Variants in ADAMTS17 observed in about 807,000 individuals in gnomAD.
ADAMTS17 encodes the protein A disintegrin and metalloproteinase with thrombospondin motifs 17.
In ADAMTS17, 113 loss-of-function variants were observed where a neutral mutation model predicts 141.5. The ratio of observed to expected loss-of-function variants is 0.80; its 90% CI spans 0.69 to 0.93. The LOEUF is 0.93. Among genes scored for constraint, ADAMTS17 ranks in the 40% least tolerant of loss-of-function variants. ADAMTS17 has a pLI of 0.00. For missense variants in ADAMTS17, 1,659 were observed against 1,517.9 expected, an observed-to-expected ratio of 1.09 and a Z score of -1.54; for synonymous variants, 768 against 630.6, an observed-to-expected ratio of 1.22 and a Z score of -3.27.
chr15:100,234,604 A>T (rs549344667), intron 7 of ADAMTS17, among the ~76,000 whole-genome samples: 79 of 152,278 alleles, frequency 5.2e-4, no homozygotes, highest in African/African-American at 1.8e-3. Flanking sequence ...TGACTGTCTT[A>T]TTGCTTCCTC....
Position 100,341,875 on chromosome 15 carries a change from G to A in ADAMTS17, c.25C>T (p.Pro9Ser), listed in dbSNP as rs1319520445. The change falls in exon 1 of 22, where the codon CCG (proline) becomes TCG (serine). Residue 9 changes from proline to serine, a missense_variant. Pro to Ser is a moderately conservative substitution (Grantham distance 74). Coordinates refer to ENST00000268070, the MANE Select transcript of ADAMTS17 (RefSeq NM_139057.4). MCDGALLP[P>S]LVLPVLLLLV... The stretch of plus-strand genomic sequence containing the variant: ...AGCAGCAGCACGGGCAGGACGAGCG[G>A]AGGCAGCAGGGCGCCGTCACACATG... 3 of 1,552,108 alleles carry A rather than the reference G, an allele frequency of 1.9e-6. No homozygotes were observed. The African/African-American group carries it at 4.1e-5, about 21-fold the overall frequency.
intron 15 of ADAMTS17, among the ~76,000 whole-genome samples, chr15:100,073,915 T>A (rs12906756): frequency 0.99 from 149,736 of 151,994 alleles, 73,800 homozygotes; most frequent in East Asian, 1. Flanking sequence ...AAAGTATAAT[T>A]AAAAAAAGGC....
In ADAMTS17 at chr15:99,974,258, G is replaced by T; in HGVS notation, c.*144C>A. ...TATATTAAGTACGGAAGCACTAATG[G>T]CAAACGCCAAGTCCACGCTCATGTT... On this transcript the variant is annotated 3_prime_UTR_variant, in exon 22 of 22. Transcript: ENST00000268070. The T allele has an allele frequency of 2.8e-6, 3 of 1,055,336 alleles. No individual in the cohort carries two copies. The highest frequency in any genetic ancestry group is 4.3e-6 in the Non-Finnish European group (3 of 702,934). The allele number at this position is 1,055,336 out of a possible 1,614,324, so 65.4% of individuals were successfully genotyped here. A position where few individuals can be genotyped will look rare whatever the true frequency, so the allele number is the denominator to read the frequency against.
chr15:100,034,508 TG>T (rs1482168961), intron 18 of ADAMTS17, among the ~76,000 whole-genome samples: 1 of 152,204 alleles, frequency 6.6e-6, no homozygotes, highest in Non-Finnish European at 1.5e-5. Flanking sequence ...TGGCCTCACC[TG>T]AAGAGCACAG....
rs538761472 is a variant in ADAMTS17 at position 100,310,614 on chromosome 15, C to T, written c.616+20275G>A. Among the ~76,000 whole-genome samples the T allele has an allele frequency of 8.5e-4, 129 of 152,308 alleles. 5 individuals are homozygous for T. In the South Asian group the frequency reaches 0.024, roughly 29 times the overall value. ...GAAGGTCCCCTGCAGCAGATGTGAG[C>T]GAGACCTCTGTCCCTTCACAGCTGG... On this transcript the variant is annotated intron_variant, in intron 3 of 21. Coordinates refer to ENST00000268070, the MANE Select transcript of ADAMTS17 (RefSeq NM_139057.4).
intron 14 of ADAMTS17, among the ~76,000 whole-genome samples, chr15:100,099,230 A>C (rs1023346604): frequency 1.3e-5 from 2 of 152,178 alleles, no homozygotes; most frequent in African/African-American, 2.4e-5. Flanking sequence ...GTTATTTTAG[A>C]GGCTGTCTGC....
In ADAMTS17 at chr15:100,133,264, T is replaced by C; in HGVS notation, c.1525A>G (p.Lys509Glu). 6.3e-7 allele frequency: 1 copy of C among 1,599,998 alleles called. No individual in the cohort carries two copies. Among genetic ancestry groups the C allele is most frequent in the Non-Finnish European group, 8.5e-7 (1 of 1,172,094 alleles). Residue 509 changes from lysine (K) to glutamate (E), a missense_variant, in exon 11 of 22, where the codon AAG becomes GAG. By Grantham distance (56) the Lys-to-Glu change is moderately conservative. Coordinates refer to ENST00000268070, the MANE Select transcript of ADAMTS17 (RefSeq NM_139057.4). ...TCCAGGGGAGGGTCCAGCTTGGTCT[T>C]GCAGGATGTGTCTCCTTCTACCAGG... ...WCLVEGDTSC[K>E]TKLDPPLDGT...
intron 15 of ADAMTS17, among the ~76,000 whole-genome samples, chr15:100,073,535 T>A (rs1428611539): frequency 6.6e-6 from 1 of 151,766 alleles, no homozygotes. Context: ...AATGATAGAC[T>A]GGATTAAAAA....
Position 100,070,192 on chromosome 15 carries a change from C to T in ADAMTS17, c.2138-16138G>A, listed in dbSNP as rs982597523. 5.3e-5 allele frequency among the ~76,000 whole-genome samples: 8 copies of T among 150,218 alleles called. 1 individual carries two copies. The highest frequency in any genetic ancestry group is 1.2e-4 in the Non-Finnish European group (8 of 67,500). The stretch of plus-strand genomic sequence containing the variant: ...GGATCAATTCAACAAGAAGAGCTAA[C>T]TATACTAAATATATATGCACCCAAT... On this transcript the variant is annotated intron_variant, in intron 15 of 21. Coordinates refer to ENST00000268070, the MANE Select transcript of ADAMTS17 (RefSeq NM_139057.4).
Position 100,260,466 on chromosome 15 carries a change from T to G in ADAMTS17, c.1031+1013A>C, listed in dbSNP as rs553177616. On this transcript the variant is annotated intron_variant, in intron 6 of 21. Coordinates refer to ENST00000268070, the MANE Select transcript of ADAMTS17 (RefSeq NM_139057.4). ...CCATCTCTACTAAAAATACAAAAAT[T>G]AGCCAGGTGTGGTGGCACACGCCTG... is the stretch of plus-strand genomic sequence containing the variant. 5.9e-5 allele frequency among the ~76,000 whole-genome samples: 9 copies of G among 151,814 alleles called. No homozygotes were observed. The South Asian group carries it at 1.9e-3, about 32-fold the overall frequency.
chr15:100,271,540 G>T (rs532479419), intron 4 of ADAMTS17, among the ~76,000 whole-genome samples: 1 of 105,138 alleles, frequency 9.5e-6, no homozygotes, highest in African/African-American at 3.5e-5. Context: ...CATCTTCTTC[G>T]TAAAAATGTC....
At chr15:100,335,089 G>C (rs556410317) in intron 2 of ADAMTS17, among the ~76,000 whole-genome samples, 5 of 152,052 alleles carry the variant, frequency 3.3e-5, no homozygotes, top group Admixed American at 3.3e-4. Context: ...ACCCCCGGGG[G>C]AACTTGTGAG....
rs770688711 is a variant in ADAMTS17, at chr15:99,997,445, T to G, written c.2736A>C (p.Ala912=). The change falls in exon 19 of 22, where the codon GCA becomes GCC. Residue 912 remains alanine, a synonymous_variant. Coordinates refer to ENST00000268070, the MANE Select transcript of ADAMTS17 (RefSeq NM_139057.4). The surrounding 1 kb of genome is among the most constrained non-coding windows in gnomAD (Gnocchi z 4.7). ...PLYCPGPRPA[A]VQSCEGQDCL... Reference sequence around the variant, plus strand: ...AGTCCTGGCCTTCACAGCTCTGCACTGCCGCCGGCCGGGGGCCCGGGCAGT... The same window carrying G: ...AGTCCTGGCCTTCACAGCTCTGCACGGCCGCCGGCCGGGGGCCCGGGCAGT... The G allele has an allele frequency of 1.9e-6, 3 of 1,613,644 alleles. No homozygotes were observed. Among genetic ancestry groups the G allele is most frequent in the Non-Finnish European group, 2.5e-6 (3 of 1,179,972 alleles).
intron 18 of ADAMTS17, among the ~76,000 whole-genome samples, chr15:100,034,711 G>C (rs1025352287): frequency 6.6e-6 from 1 of 152,130 alleles, no homozygotes; most frequent in Admixed American, 6.5e-5. Flanking sequence ...AACAGAACTG[G>C]AGAAAGGGCC....
rs1165598767 is a variant in ADAMTS17, at chr15:100,258,131, T to C, written c.1031+3348A>G. Reference sequence around the variant, plus strand: ...ACCCATTCATCCATCAATGGACATATAGGTCACTCCCACCTCTTGGCTGTC... The same window carrying C: ...ACCCATTCATCCATCAATGGACATACAGGTCACTCCCACCTCTTGGCTGTC... On this transcript the variant is annotated intron_variant, in intron 6 of 21. Coordinates refer to ENST00000268070, the MANE Select transcript of ADAMTS17 (RefSeq NM_139057.4). Among the ~76,000 whole-genome samples the C allele has an allele frequency of 5.3e-5, 8 of 152,354 alleles. No individual in the cohort carries two copies. The East Asian group carries it at 9.6e-4, about 18-fold the overall frequency.
At chr15:99,984,188 G>A (rs1202825960) in intron 20 of ADAMTS17, among the ~76,000 whole-genome samples, 11 of 152,196 alleles carry the variant, frequency 7.2e-5, no homozygotes, top group Non-Finnish European at 1.5e-4. Flanking sequence ...CAGGGAACCA[G>A]GAGGCTGAGG....
rs143789705 is a variant in ADAMTS17, at chr15:99,999,703, G to C, written c.2592-2114C>G. Among the ~76,000 whole-genome samples the C allele has an allele frequency of 3.1e-3, 477 of 152,276 alleles. 2 individuals are homozygous for C. Among genetic ancestry groups the C allele is most frequent in the African/African-American group, 0.01 (428 of 41,552 alleles). On this transcript the variant is annotated intron_variant, in intron 18 of 21. Coordinates refer to ENST00000268070, the MANE Select transcript of ADAMTS17 (RefSeq NM_139057.4). The stretch of plus-strand genomic sequence containing the variant: ...CGGCTCTGAGAGGACCACTGGCTCG[G>C]TGTGGATACCAGTTTATAGTGGGCA...
At chr15:100,277,216 G>A (rs1379987468) in intron 4 of ADAMTS17, among the ~76,000 whole-genome samples, 1 of 152,020 alleles carries the variant, frequency 6.6e-6, no homozygotes, top group Non-Finnish European at 1.5e-5. Context: ...TGTTAGCCCC[G>A]GGTCTGCCCT....
intron 8 of ADAMTS17, among the ~76,000 whole-genome samples, chr15:100,179,065 G>A (rs1024974981): frequency 2.0e-5 from 3 of 152,054 alleles, no homozygotes; most frequent in Non-Finnish European, 4.4e-5. Context: ...GGCAAACGGG[G>A]TATCATCATC....
Sources: gnomAD v4.1 joint callset for allele counts (sites outside exome capture counted in the v4.1 genomes callset) on GRCh38, gnomAD v4.1.1 for gene constraint, Gnocchi (gnomAD v3.1) non-coding constraint, MANE v1.5 for transcripts, NCBI Gene and HGNC (gene_info 2026-07-23, HGNC 2026-07-21) for gene names.